Variants in EDARADD observed in about 807,000 individuals in gnomAD.
EDARADD encodes the protein ectodysplasin-A receptor-associated adapter protein.
Under a neutral mutation model 25.6 loss-of-function variants are expected in EDARADD, and 20 were observed. The observed-to-expected ratio is 0.78, with a 90% CI of 0.55 to 1.14. The LOEUF (loss-of-function observed/expected upper bound fraction) is 1.14, where lower values mean the gene tolerates loss of function less well. Among genes scored for constraint, EDARADD ranks in the 50% most tolerant of loss-of-function variants. The pLI is 0.00. For missense variants in EDARADD, 225 were observed against 270.1 expected, an observed-to-expected ratio of 0.83 and a Z score of 1.17; for synonymous variants, 86 against 94.4, an observed-to-expected ratio of 0.91 and a Z score of 0.52.
chr1:236,462,394 AT>A (rs905439865), intron 4 of EDARADD, among the ~76,000 whole-genome samples: 1 of 148,836 alleles, frequency 6.7e-6, no homozygotes, highest in Admixed American at 6.8e-5. Flanking sequence ...GAGTGACTCC[AT>A]TTTGGGTTGG....
chr1:236,389,738 C>A (rs114573039), upstream of EDARADD, among the ~76,000 whole-genome samples: 2,475 of 152,236 alleles, frequency 0.016, 52 homozygotes, highest in African/African-American at 0.055. Context: ...CATGGTGGCC[C>A]ACACATGTAA....
Position 236,426,921 on chromosome 1 carries a change from C to T in EDARADD, c.161-471C>T, listed in dbSNP as rs953491356. On this transcript the variant is annotated intron_variant, in intron 3 of 5. Coordinates refer to ENST00000334232, the MANE Select transcript of EDARADD (RefSeq NM_145861.4). ...TTTGAGACGGAGTTTTGCTCTTGTT[C>T]TCCAGGCTGGAGTGCAATGGCGTGG... Among the ~76,000 whole-genome samples the T allele has an allele frequency of 4.6e-5, 7 of 152,176 alleles. No individual in the cohort carries two copies. In the East Asian group the frequency reaches 1.2e-3, roughly 25 times the overall value.
intron 3 of EDARADD, among the ~76,000 whole-genome samples, chr1:236,354,143 GAC>G (rs1336253069): frequency 1.3e-5 from 2 of 152,098 alleles, no homozygotes; most frequent in African/African-American, 4.8e-5. Flanking sequence ...TAAAAGCCTA[GAC>G]ACAGCACAAT....
intron 3 of EDARADD, among the ~76,000 whole-genome samples, chr1:236,372,418 T>A (rs563525356): frequency 1.3e-5 from 2 of 152,364 alleles, no homozygotes; most frequent in South Asian, 4.1e-4. Context: ...CTGGGCTAAA[T>A]CTGCTCAGTC....
chr1:236,445,245 T>TTTTTTTTTTTTTTTTTTTTTTTTTA (rs1658502774), intron 4 of EDARADD, among the ~76,000 whole-genome samples: 1 of 139,544 alleles, frequency 7.2e-6, no homozygotes, highest in Non-Finnish European at 1.6e-5. Flanking sequence ...TTTTTTTTTT[T>TTTTTTTTTTTTTTTTTTTTTTTTTA]GAGACAGAGT....
chr1:236,483,099 C>T lies in EDARADD; in HGVS notation c.*450C>T. 1 of 1,061,458 alleles carries T rather than the reference C, an allele frequency of 9.4e-7. No individual in the cohort carries two copies. The highest frequency in any genetic ancestry group is 1.6e-5 in the African/African-American group (1 of 64,404). 65.8% of individuals were successfully genotyped at this position (1,061,458 alleles called of 1,614,324 possible). Reference sequence around the variant, plus strand: ...AGAAAACAGCTACAAGGAATGCTTACCTGAGTGTCTGCAGCACCCTCCACT... The same window carrying T: ...AGAAAACAGCTACAAGGAATGCTTATCTGAGTGTCTGCAGCACCCTCCACT... On this transcript the variant is annotated 3_prime_UTR_variant, in exon 6 of 6. Transcript: ENST00000334232.
intron 5 of EDARADD, among the ~76,000 whole-genome samples, chr1:236,479,696 A>C (rs976831341): frequency 6.6e-6 from 1 of 151,490 alleles, no homozygotes; most frequent in Non-Finnish European, 1.5e-5. Context: ...CTTGTGCTCA[A>C]CCAAACTGGA....
upstream of EDARADD, among the ~76,000 whole-genome samples, chr1:236,392,876 G>C (rs576660165): frequency 6.6e-6 from 1 of 152,012 alleles, no homozygotes; most frequent in Non-Finnish European, 1.5e-5. Flanking sequence ...CACCATGTTG[G>C]GCAGTCTGAT....
intron 5 of EDARADD, among the ~76,000 whole-genome samples, chr1:236,469,421 T>C (rs968101664): frequency 6.6e-6 from 1 of 152,066 alleles, no homozygotes; most frequent in Non-Finnish European, 1.5e-5. Context: ...TGCAGTGAGC[T>C]GAGACTGCAC....
intron 3 of EDARADD, among the ~76,000 whole-genome samples, chr1:236,357,055 G>A (rs1389203711): frequency 2.0e-5 from 3 of 150,376 alleles, no homozygotes; most frequent in Non-Finnish European, 4.4e-5. Context: ...CTGCACTCCA[G>A]CCTGGGCAAC....
intron 4 of EDARADD, among the ~76,000 whole-genome samples, chr1:236,433,252 A>G (rs569111494): frequency 6.6e-6 from 1 of 151,894 alleles, no homozygotes; most frequent in East Asian, 2.0e-4. Flanking sequence ...TTTTGTATGC[A>G]TAATTATAAA....
intron 3 of EDARADD, among the ~76,000 whole-genome samples, chr1:236,423,168 A>G (rs1235147134): frequency 6.6e-6 from 1 of 152,158 alleles, no homozygotes; most frequent in Non-Finnish European, 1.5e-5. Flanking sequence ...GCCCAAATTT[A>G]CATTGAGCTG....
intron 3 of EDARADD, among the ~76,000 whole-genome samples, chr1:236,361,511 G>A (rs550174301): frequency 1.0e-3 from 156 of 151,706 alleles, no homozygotes; most frequent in African/African-American, 3.5e-3. Flanking sequence ...TGTATTTTTA[G>A]TAGAGACAGG....
intron 1 of EDARADD, among the ~76,000 whole-genome samples, chr1:236,404,746 T>C (rs1250446441): frequency 2.6e-5 from 4 of 152,022 alleles, no homozygotes; most frequent in Non-Finnish European, 5.9e-5. Context: ...GAGGCTGCAG[T>C]AAGCGGTGAT....
At chr1:236,476,688 G>A (rs889266708) in intron 5 of EDARADD, among the ~76,000 whole-genome samples, 3 of 152,034 alleles carry the variant, frequency 2.0e-5, no homozygotes, top group Non-Finnish European at 2.9e-5. Context: ...ACCACACCCG[G>A]CTAATTTTGT....
At chr1:236,411,394 C>T (rs982021795) in intron 2 of EDARADD, among the ~76,000 whole-genome samples, 1 of 152,110 alleles carries the variant, frequency 6.6e-6, no homozygotes, top group African/African-American at 2.4e-5. Context: ...TAGTGGTTGC[C>T]AGCCATCGTG....
intron 4 of EDARADD, among the ~76,000 whole-genome samples, chr1:236,429,607 A>T (rs1449177305): frequency 6.6e-6 from 1 of 150,806 alleles, no homozygotes; most frequent in Non-Finnish European, 1.5e-5. Flanking sequence ...CTAGTCTCGA[A>T]CTCTTGGCCT....
At chr1:236,414,334 A>G (rs1558116210) in intron 3 of EDARADD, 35 bp downstream of exon 3, 1 of 1,537,638 alleles carries the variant, frequency 6.5e-7, no homozygotes, top group South Asian at 1.1e-5. Context: ...TGAACATGTG[A>G]TTATTTTAAT....
chr1:236,479,956 G>T (rs1315690026), intron 5 of EDARADD, among the ~76,000 whole-genome samples: 1 of 151,658 alleles, frequency 6.6e-6, no homozygotes, highest in Non-Finnish European at 1.5e-5. Flanking sequence ...TGAGGCAGGA[G>T]AATTGCTTGA....
Sources: allele counts gnomAD v4.1 joint callset (sites outside exome capture counted in the v4.1 genomes callset), GRCh38; gene constraint gnomAD v4.1.1; transcripts MANE v1.5; gene names NCBI Gene and HGNC (gene_info 2026-07-23, HGNC 2026-07-21).